Variants in ABCB1 observed in about 807,000 individuals in gnomAD.
The protein encoded by ABCB1 is ATP binding cassette subfamily B member 1.
Under a neutral mutation model 142.0 loss-of-function variants are expected in ABCB1, and 69 were observed. The observed-to-expected ratio is 0.49, with a 90% CI of 0.40 to 0.59. The LOEUF (loss-of-function observed/expected upper bound fraction) is 0.59. Ranked by LOEUF, ABCB1 falls within the 20% of genes least tolerant of loss-of-function variation. The pLI, the probability that ABCB1 is intolerant of heterozygous loss-of-function variation, is 0.00. For missense variants in ABCB1, 1,326 were observed against 1,554.7 expected, an observed-to-expected ratio of 0.85 and a Z score of 2.47; for synonymous variants, 532 against 539.2, an observed-to-expected ratio of 0.99 and a Z score of 0.18.
intron 25 of ABCB1, among the ~76,000 whole-genome samples, chr7:87,512,747 A>C (rs987649184): frequency 1.3e-5 from 2 of 152,218 alleles, no homozygotes; most frequent in African/African-American, 2.4e-5. Flanking sequence ...TCTGCTGAGA[A>C]GTCTGGCTGC....
intron 4 of ABCB1, among the ~76,000 whole-genome samples, chr7:87,573,593 G>T (rs760484178): frequency 6.6e-6 from 1 of 151,994 alleles, no homozygotes; most frequent in Non-Finnish European, 1.5e-5. Flanking sequence ...ATATTTGAAA[G>T]CAAAAGTATA....
chr7:87,536,402 T>G (rs769383225), intron 20 of ABCB1, 56 bp downstream of exon 20: 116 of 1,538,082 alleles, frequency 7.5e-5, no homozygotes, highest in Non-Finnish European at 9.6e-5. Flanking sequence ...ATTAGTTTCA[T>G]GCTGGGGTCC....
intron 26 of ABCB1, among the ~76,000 whole-genome samples, 196 bp downstream of exon 26, chr7:87,509,079 A>G (rs1814884710): frequency 6.6e-6 from 1 of 152,082 alleles, no homozygotes. Context: ...CCTTCCTCAC[A>G]AGGAGGGTCA....
intron 1 of ABCB1, among the ~76,000 whole-genome samples, chr7:87,691,128 A>G (rs1463969356): frequency 6.6e-6 from 1 of 152,174 alleles, no homozygotes; most frequent in East Asian, 1.9e-4. Flanking sequence ...TTCATGAATT[A>G]GAAACATATT....
chr7:87,549,403 G>C lies in ABCB1; in HGVS notation c.1670C>G (p.Ala557Gly), dbSNP rs371019082. ...RNPKILLLDEATSALDTESEA... is the reference protein window; with the variant it reads ...RNPKILLLDEGTSALDTESEA... ...GCTTTCTGTGTCCAAGGCTGACGTG[G>C]CCTCATCCAGCAGGAGGATCTTGGG... The change falls in exon 14 of 28, where the codon GCC becomes GGC. Residue 557 changes from alanine to glycine, a missense_variant. By Grantham distance (60) the Ala-to-Gly change is moderately conservative. Transcript: ENST00000622132. The C allele has an allele frequency of 2.0e-5, 33 of 1,614,072 alleles. No homozygotes were observed. Among genetic ancestry groups the C allele is most frequent in the Non-Finnish European group, 2.7e-5 (32 of 1,180,056 alleles).
chr7:87,503,604 C>A lies in ABCB1; in HGVS notation c.*639G>T. The A allele has an allele frequency of 6.5e-6, 1 of 154,708 alleles. No individual in the cohort carries two copies. Among genetic ancestry groups the A allele is most frequent in the Non-Finnish European group, 1.4e-5 (1 of 69,558 alleles). The allele number at this position is 154,708 out of a possible 1,614,324, so 9.6% of individuals were successfully genotyped here. On this transcript the variant is annotated 3_prime_UTR_variant, in exon 28 of 28. Coordinates refer to ENST00000622132, the MANE Select transcript of ABCB1 (RefSeq NM_001348946.2). ...CCACCTCCTAAAATCTTATATCGAT[C>A]TGTGTTTTGGGTTTGAGAGCCACCT...
chr7:87,666,403 C>G (rs1305362696), intron 1 of ABCB1, among the ~76,000 whole-genome samples: 2 of 151,932 alleles, frequency 1.3e-5, no homozygotes, highest in African/African-American at 4.8e-5. Flanking sequence ...ATGCCAGATG[C>G]ATAGTTTGTA....
chr7:87,603,292 A>G (rs541050830), upstream of ABCB1, among the ~76,000 whole-genome samples: 2 of 152,238 alleles, frequency 1.3e-5, no homozygotes, highest in Non-Finnish European at 2.9e-5. Flanking sequence ...TGTTACTCCC[A>G]TATTACAATA....
chr7:87,541,213 C>T, intron 18 of ABCB1, 144 bp downstream of exon 18: 2 of 634,402 alleles, frequency 3.2e-6, no homozygotes, highest in Non-Finnish European at 2.8e-6. Context: ...TCTTTTTTCA[C>T]TATGTCAGAA....
At chr7:87,536,372 C>G in intron 20 of ABCB1, 86 bp downstream of exon 20, 3 of 1,198,210 alleles carry the variant, frequency 2.5e-6, no homozygotes, top group East Asian at 2.3e-5. Flanking sequence ...ATGATGATAA[C>G]TAACACCCGT....
chr7:87,681,519 A>G (rs933542879), intron 1 of ABCB1, among the ~76,000 whole-genome samples: 5 of 150,862 alleles, frequency 3.3e-5, no homozygotes, highest in African/African-American at 1.2e-4. Flanking sequence ...ACTGTAATCT[A>G]TTAAGTGTGT....
intron 1 of ABCB1, among the ~76,000 whole-genome samples, chr7:87,662,302 G>T (rs1360699160): frequency 6.6e-6 from 1 of 151,924 alleles, no homozygotes; most frequent in Admixed American, 6.6e-5. Flanking sequence ...GTTCTTATGG[G>T]GTGTCAGTCA....
intron 8 of ABCB1, among the ~76,000 whole-genome samples, chr7:87,559,155 T>C (rs1817441066): frequency 6.6e-6 from 1 of 152,110 alleles, no homozygotes; most frequent in African/African-American, 2.4e-5. Context: ...GTTATCTCTT[T>C]CTTGAAGTTG....
At chr7:87,648,791 A>C (rs1208389689) in intron 1 of ABCB1, among the ~76,000 whole-genome samples, 1 of 152,170 alleles carries the variant, frequency 6.6e-6, no homozygotes, top group African/African-American at 2.4e-5. Flanking sequence ...TTACTTAATT[A>C]TAAAGATTAT....
intron 21 of ABCB1, among the ~76,000 whole-genome samples, chr7:87,525,378 T>G (rs1175782672): frequency 6.6e-6 from 1 of 152,152 alleles, no homozygotes; most frequent in Non-Finnish European, 1.5e-5. Context: ...GCATCTACAA[T>G]GGAGCCTTGG....
At chr7:87,698,792 T>G (rs889012462) in intron 1 of ABCB1, among the ~76,000 whole-genome samples, 3 of 152,164 alleles carry the variant, frequency 2.0e-5, no homozygotes, top group African/African-American at 7.2e-5. Context: ...GAAATACTTT[T>G]GAGGAGAAGT....
intron 23 of ABCB1, among the ~76,000 whole-genome samples, chr7:87,517,726 A>G (rs764311954): frequency 6.6e-6 from 1 of 152,202 alleles, no homozygotes; most frequent in Non-Finnish European, 1.5e-5. Flanking sequence ...ACAGAGCCAG[A>G]TATCATGTTG....
At chr7:87,712,022 A>G (rs953136321) in intron 1 of ABCB1, among the ~76,000 whole-genome samples, 2 of 152,162 alleles carry the variant, frequency 1.3e-5, no homozygotes, top group African/African-American at 4.8e-5. Context: ...CTGGGCATTT[A>G]TTATGACACA....
chr7:87,548,421 T>G (rs891144685), intron 14 of ABCB1, among the ~76,000 whole-genome samples: 9 of 152,094 alleles, frequency 5.9e-5, no homozygotes, highest in Non-Finnish European at 8.8e-5. Context: ...AATCACAGAT[T>G]AAGCAAAATG....
Sources: allele counts gnomAD v4.1 joint callset (sites outside exome capture counted in the v4.1 genomes callset), GRCh38; gene constraint gnomAD v4.1.1; transcripts MANE v1.5; gene names NCBI Gene and HGNC (gene_info 2026-07-23, HGNC 2026-07-21).